HIVEP2: variants seen among roughly 807,000 people sequenced by gnomAD.
HIVEP2 encodes the protein HIVEP zinc finger 2, also known as transcription factor HIVEP2.
Under a neutral mutation model 180.7 loss-of-function variants are expected in HIVEP2, and 14 were observed. The observed-to-expected ratio is 0.08, with a 90% CI of 0.05 to 0.12. HIVEP2 has a LOEUF of 0.12. Among genes scored for constraint, HIVEP2 ranks in the 10% least tolerant of loss-of-function variants. The pLI is 1.00. For synonymous variants in HIVEP2, 1,184 were observed against 1,136.4 expected (o/e 1.04, Z -0.84); for missense variants, 2,579 against 3,008.5 (o/e 0.86, Z 3.34).
chr6:142,885,596 C>T (rs1189725101), intron 1 of HIVEP2, among the ~76,000 whole-genome samples: 4 of 152,070 alleles, frequency 2.6e-5, no homozygotes, highest in African/African-American at 7.2e-5. Context: ...CCACTGATGA[C>T]GCATATCCAG....
At chr6:142,834,181 T>C (rs1775165518) in intron 2 of HIVEP2, among the ~76,000 whole-genome samples, 1 of 152,088 alleles carries the variant, frequency 6.6e-6, no homozygotes, top group Non-Finnish European at 1.5e-5. Flanking sequence ...ATTTTCCTAA[T>C]TGGTATAAGT....
At chr6:142,755,301 A>G (rs1328911192) in intron 9 of HIVEP2, among the ~76,000 whole-genome samples, 2 of 152,170 alleles carry the variant, frequency 1.3e-5, no homozygotes, top group Non-Finnish European at 2.9e-5. Context: ...AAAGGTGGGA[A>G]TTTTACGGTA....
intron 7 of HIVEP2, 103 bp from the exon 8 acceptor site, chr6:142,761,668 A>G: frequency 1.3e-6 from 1 of 751,484 alleles, no homozygotes; most frequent in South Asian, 1.4e-5. Flanking sequence ...ATTTTATTAA[A>G]TTCATCATGT....
chr6:142,837,300 T>A (rs2114881388), intron 1 of HIVEP2, among the ~76,000 whole-genome samples: 1 of 151,886 alleles, frequency 6.6e-6, no homozygotes, highest in South Asian at 2.1e-4. Context: ...AACAGAAGAG[T>A]TTGTTATTGG....
intron 2 of HIVEP2, among the ~76,000 whole-genome samples, chr6:142,817,384 C>T (rs968276893): frequency 3.3e-5 from 5 of 152,156 alleles, no homozygotes; most frequent in Admixed American, 6.5e-5. Flanking sequence ...CATTTGGAGA[C>T]GACCAGCAGT....
intron 2 of HIVEP2, among the ~76,000 whole-genome samples, chr6:142,796,727 C>G (rs1776286891): frequency 6.6e-6 from 1 of 152,090 alleles, no homozygotes; most frequent in African/African-American, 2.4e-5. Flanking sequence ...TGGTGTTATT[C>G]AAGGTTTAAA....
chr6:142,754,553 A>G (rs1775015177), intron 9 of HIVEP2, among the ~76,000 whole-genome samples: 1 of 152,212 alleles, frequency 6.6e-6, no homozygotes, highest in African/African-American at 2.4e-5. Flanking sequence ...GCTAAGAGAT[A>G]CTCAATGCAG....
intron 1 of HIVEP2, among the ~76,000 whole-genome samples, chr6:142,863,135 T>C (rs1395718063): frequency 6.8e-6 from 1 of 147,528 alleles, no homozygotes; most frequent in African/African-American, 2.5e-5. Context: ...GATTTGCTAA[T>C]GTAGCAAATG....
At chr6:142,850,982 C>A (rs1234771716) in intron 1 of HIVEP2, among the ~76,000 whole-genome samples, 2 of 152,112 alleles carry the variant, frequency 1.3e-5, no homozygotes, top group East Asian at 3.8e-4. Context: ...AATGGAAAAC[C>A]CAGTTTTATT....
intron 3 of HIVEP2, among the ~76,000 whole-genome samples, chr6:142,782,518 G>T (rs983901182): frequency 1.5e-4 from 23 of 152,158 alleles, no homozygotes; most frequent in African/African-American, 5.3e-4. Flanking sequence ...TTTTAAAAAG[G>T]TGGCTTCCTG....
intron 2 of HIVEP2, among the ~76,000 whole-genome samples, chr6:142,817,731 A>T (rs964225894): frequency 6.6e-6 from 1 of 152,204 alleles, no homozygotes; most frequent in Admixed American, 6.5e-5. Context: ...CTTAAAGTAG[A>T]TCTTGGCTGG....
intron 9 of HIVEP2, among the ~76,000 whole-genome samples, 197 bp downstream of exon 9, chr6:142,759,575 A>C (rs999530619): frequency 6.6e-6 from 1 of 152,210 alleles, no homozygotes; most frequent in Non-Finnish European, 1.5e-5. Flanking sequence ...CTGATGCAAT[A>C]CTACACTTTA....
chr6:142,834,000 C>T (rs906896060), intron 2 of HIVEP2, among the ~76,000 whole-genome samples: 29 of 152,164 alleles, frequency 1.9e-4, no homozygotes, highest in Admixed American at 1.7e-3. Flanking sequence ...ATTTTGAAGG[C>T]CACAATATAC....
intron 1 of HIVEP2, among the ~76,000 whole-genome samples, chr6:142,893,137 G>A (rs542047275): frequency 1.3e-5 from 2 of 152,306 alleles, no homozygotes; most frequent in South Asian, 4.1e-4. Flanking sequence ...GGGACCTGGA[G>A]TCACAAACAC....
chr6:142,908,858 A>AC (rs1482483961), intron 1 of HIVEP2, among the ~76,000 whole-genome samples: 11 of 146,408 alleles, frequency 7.5e-5, no homozygotes, highest in East Asian at 2.2e-4. Flanking sequence ...ACCTCTCAAA[A>AC]AAAAAAAAAA....
At chr6:142,884,118 CAG>C (rs2128418049) in intron 1 of HIVEP2, among the ~76,000 whole-genome samples, 1 of 152,154 alleles carries the variant, frequency 6.6e-6, no homozygotes, top group Admixed American at 6.5e-5. Context: ...AATTGTAAAA[CAG>C]ATAAAAGTTT....
At chr6:142,789,163 T>A (rs1165250238) in intron 2 of HIVEP2, among the ~76,000 whole-genome samples, 1 of 151,776 alleles carries the variant, frequency 6.6e-6, no homozygotes, top group Non-Finnish European at 1.5e-5. Flanking sequence ...TTGTTAAACA[T>A]CTGGTGGTAA....
intron 8 of HIVEP2, among the ~76,000 whole-genome samples, chr6:142,761,140 T>C (rs540428693): frequency 6.6e-6 from 1 of 152,340 alleles, no homozygotes; most frequent in Admixed American, 6.5e-5. Flanking sequence ...TACATTAAAA[T>C]GCTTTTCAAA....
At chr6:142,840,978 G>T (rs1775345764) in intron 1 of HIVEP2, among the ~76,000 whole-genome samples, 1 of 151,728 alleles carries the variant, frequency 6.6e-6, no homozygotes, top group Non-Finnish European at 1.5e-5. Flanking sequence ...TTATTTTAAT[G>T]GTGACCATAA....
Sources: gnomAD v4.1 joint callset for allele counts (sites outside exome capture counted in the v4.1 genomes callset) on GRCh38, gnomAD v4.1.1 for gene constraint, MANE v1.5 for transcripts, NCBI Gene and HGNC (gene_info 2026-07-23, HGNC 2026-07-21) for gene names.